Variants in CHRM5 observed in about 807,000 individuals in gnomAD.
The protein encoded by CHRM5 is cholinergic receptor muscarinic 5, also known as muscarinic acetylcholine receptor M5.
Under a neutral mutation model 39.0 loss-of-function variants are expected in CHRM5, and 18 were observed. The ratio of observed to expected loss-of-function variants is 0.46; its 90% confidence interval spans 0.32 to 0.68. The LOEUF is 0.68. CHRM5 is among the 30% of genes least tolerant of loss of function. The pLI is 0.04. For missense variants in CHRM5, 515 were observed against 651.1 expected, an observed-to-expected ratio of 0.79 and a Z score of 2.28; for synonymous variants, 241 against 246.3, an observed-to-expected ratio of 0.98 and a Z score of 0.20.
intron 1 of CHRM5, among the ~76,000 whole-genome samples, chr15:34,045,201 C>A (rs185506455): frequency 6.6e-6 from 1 of 152,264 alleles, no homozygotes; most frequent in Non-Finnish European, 1.5e-5. Flanking sequence ...CAAGGACTAT[C>A]GTATATCTCT....
intron 1 of CHRM5, among the ~76,000 whole-genome samples, chr15:34,003,385 G>A (rs1897215633): frequency 1.3e-5 from 2 of 152,142 alleles, no homozygotes; most frequent in South Asian, 2.1e-4. Context: ...TTCTTTTAGG[G>A]TGAACTTTCC....
chr15:34,038,718 G>A (rs956118703), intron 1 of CHRM5: 1 of 1,122,138 alleles, frequency 8.9e-7, no homozygotes, highest in Non-Finnish European at 1.1e-6. Flanking sequence ...CTTGACTGGC[G>A]GCCTCGGCCC....
chr15:34,014,708 C>T (rs1341369802), intron 1 of CHRM5, among the ~76,000 whole-genome samples: 2 of 152,232 alleles, frequency 1.3e-5, no homozygotes, highest in African/African-American at 2.4e-5. Context: ...TTCAGCGGGC[C>T]CATCTGGGAA....
In CHRM5 at chr15:34,062,930, C is replaced by G; in HGVS notation, c.213C>G (p.Ser71Arg). 6.2e-7 allele frequency: 1 copy of G among 1,614,196 alleles called. No individual in the cohort carries two copies. Among genetic ancestry groups the G allele is most frequent in the Non-Finnish European group, 8.5e-7 (1 of 1,180,028 alleles). ...CAGTTAACAACTATTACCTGCTCAG[C>G]TTAGCCTGTGCAGATCTCATCATTG... ...LKTVNNYYLL[S>R]LACADLIIGI... is the part of the protein sequence containing the mutation. The change falls in exon 3 of 3, where the codon AGC (serine) becomes AGG (arginine). Residue 71 changes from serine (S) to arginine (R), a missense_variant. Coordinates refer to ENST00000383263, the MANE Select transcript of CHRM5 (RefSeq NM_012125.4).
chr15:34,006,490 G>T (rs552979594), intron 1 of CHRM5, among the ~76,000 whole-genome samples: 1 of 152,278 alleles, frequency 6.6e-6, no homozygotes, highest in East Asian at 1.9e-4. Context: ...GAACACAGCT[G>T]TAACACATGG....
intron 2 of CHRM5, 133 bp from the exon 3 acceptor site, chr15:34,062,510 G>A (rs1032073231): frequency 2.4e-5 from 12 of 494,222 alleles, no homozygotes; most frequent in Middle Eastern, 5.6e-4. Flanking sequence ...AGCTGAGATC[G>A]CACCACTGCA....
chr15:34,019,060 T>C (rs755256173), intron 1 of CHRM5, among the ~76,000 whole-genome samples: 4 of 151,976 alleles, frequency 2.6e-5, no homozygotes, highest in Admixed American at 2.0e-4. Flanking sequence ...AGAGTGCTGA[T>C]TGGTGCATTT....
At chr15:33,995,306 TACA>T (rs1896888005) in intron 1 of CHRM5, among the ~76,000 whole-genome samples, 1 of 151,956 alleles carries the variant, frequency 6.6e-6, no homozygotes, top group South Asian at 2.1e-4. Flanking sequence ...AAAATAACAA[TACA>T]ACAATAAAAA....
intron 2 of CHRM5, 72 bp from the exon 3 acceptor site, chr15:34,062,571 A>AAAAG (rs1567493862): frequency 2.2e-5 from 15 of 668,468 alleles, no homozygotes; most frequent in African/African-American, 5.6e-5. Flanking sequence ...AAAAAAAAAA[A>AAAAG]AAACTATAAA....
At chr15:33,979,928 G>A (rs1896060436) in intron 1 of CHRM5, among the ~76,000 whole-genome samples, 1 of 152,160 alleles carries the variant, frequency 6.6e-6, no homozygotes, top group African/African-American at 2.4e-5. Flanking sequence ...AACCATTCAG[G>A]TGAACACTAA....
intron 1 of CHRM5, among the ~76,000 whole-genome samples, chr15:33,988,277 G>A (rs965680883): frequency 2.0e-5 from 3 of 152,064 alleles, no homozygotes; most frequent in East Asian, 1.9e-4. Context: ...AATATATTTC[G>A]ATTTTAATGA....
intron 1 of CHRM5, among the ~76,000 whole-genome samples, chr15:34,015,565 T>C (rs1006365762): frequency 1.3e-5 from 2 of 152,210 alleles, no homozygotes; most frequent in Admixed American, 6.5e-5. Flanking sequence ...TAGGATAATT[T>C]GGGAAATTAA....
At chr15:33,973,391 C>A (rs899491685) in intron 1 of CHRM5, among the ~76,000 whole-genome samples, 2 of 152,180 alleles carry the variant, frequency 1.3e-5, no homozygotes, top group Non-Finnish European at 2.9e-5. Context: ...CTTAATATTT[C>A]ATCAACTGTA....
chr15:34,028,106 CCCT>C (rs1898584058), intron 1 of CHRM5, among the ~76,000 whole-genome samples: 1 of 152,122 alleles, frequency 6.6e-6, no homozygotes, highest in Non-Finnish European at 1.5e-5. Flanking sequence ...GAGAGACCCC[CCCT>C]CAGCAAAAGC....
At chr15:33,974,502 T>C (rs1024791946) in intron 1 of CHRM5, among the ~76,000 whole-genome samples, 1 of 152,194 alleles carries the variant, frequency 6.6e-6, no homozygotes, top group Non-Finnish European at 1.5e-5. Flanking sequence ...CCTCAACCCC[T>C]ATGATAGAAA....
chr15:34,002,622 A>C (rs145345844), intron 1 of CHRM5, among the ~76,000 whole-genome samples: 16 of 152,308 alleles, frequency 1.1e-4, no homozygotes, highest in Admixed American at 9.2e-4. Context: ...ACTACTATGT[A>C]TATACCTGGC....
intron 1 of CHRM5, among the ~76,000 whole-genome samples, chr15:34,031,791 TCCTAG>T (rs1898849369): frequency 6.6e-6 from 1 of 152,112 alleles, no homozygotes; most frequent in Admixed American, 6.6e-5. Context: ...AACAACAGCA[TCCTAG>T]CAGCATCAAG....
chr15:34,053,582 G>T (rs1271667747), intron 2 of CHRM5, among the ~76,000 whole-genome samples: 1 of 151,866 alleles, frequency 6.6e-6, no homozygotes, highest in Non-Finnish European at 1.5e-5. Context: ...GTGGGGAAAG[G>T]ATTCCCTATT....
rs774898882 is a variant in CHRM5 at position 33,973,621 on chromosome 15, C to T, written c.-408+4471C>T. Among the ~76,000 whole-genome samples the T allele has an allele frequency of 7.9e-5, 12 of 152,092 alleles. No homozygotes were observed. In the South Asian group the frequency reaches 1.0e-3, roughly 13 times the overall value. On this transcript the variant is annotated intron_variant, in intron 1 of 2. Transcript: ENST00000383263. Reference sequence around the variant, plus strand: ...CTCTGGGAGGCCAAAGCTGGAGGATCGCTTGAGGCCAGGAGTTCGAGACCC... The same window carrying T: ...CTCTGGGAGGCCAAAGCTGGAGGATTGCTTGAGGCCAGGAGTTCGAGACCC...
Sources: allele counts gnomAD v4.1 joint callset (sites outside exome capture counted in the v4.1 genomes callset), GRCh38; gene constraint gnomAD v4.1.1; transcripts MANE v1.5; gene names NCBI Gene and HGNC (gene_info 2026-07-23, HGNC 2026-07-21).